The following INPP4B variants were observed in gnomAD, a reference collection of about 807,000 sequenced individuals.
The protein encoded by INPP4B is inositol polyphosphate-4-phosphatase type II B.
Under a neutral mutation model 122.5 loss-of-function variants are expected in INPP4B, and 55 were observed. The observed-to-expected ratio is 0.45, with a 90% CI of 0.36 to 0.56. The LOEUF (loss-of-function observed/expected upper bound fraction) is 0.56, where lower values mean the gene tolerates loss of function less well. Ranked by LOEUF, INPP4B falls within the 20% of genes least tolerant of loss-of-function variation. INPP4B has a pLI of 0.00. For missense variants in INPP4B, 1,000 were observed against 1,097.7 expected, an observed-to-expected ratio of 0.91 and a Z score of 1.26; for synonymous variants, 403 against 388.7, an observed-to-expected ratio of 1.04 and a Z score of -0.43.
chr4:142,118,319 A>G lies in INPP4B; in HGVS notation c.2135+3809T>C, dbSNP rs927226063. The stretch of plus-strand genomic sequence containing the variant: ...TTTAAAGTTCATATGGAACCAAAAA[A>G]GAGCACGCATTGCCAAGACAATCTT... On this transcript the variant is annotated intron_variant, in intron 21 of 25. Coordinates refer to ENST00000262992, the MANE Select transcript of INPP4B (RefSeq NM_001101669.3). 3.1e-4 allele frequency among the ~76,000 whole-genome samples: 47 copies of G among 151,994 alleles called. 1 individual carries two copies. Among genetic ancestry groups the G allele is most frequent in the Non-Finnish European group, 5.6e-4 (38 of 68,046 alleles).
At chr4:142,640,142 T>C (rs1447149983) in intron 2 of INPP4B, among the ~76,000 whole-genome samples, 1 of 152,154 alleles carries the variant, frequency 6.6e-6, no homozygotes, top group South Asian at 2.1e-4. Context: ...TCATATTTTC[T>C]ACAATTCAAT....
At chr4:142,457,951 C>T (rs2149562074) in intron 3 of INPP4B, among the ~76,000 whole-genome samples, 1 of 152,250 alleles carries the variant, frequency 6.6e-6, no homozygotes, top group Non-Finnish European at 1.5e-5. Flanking sequence ...ACTCAGCAAT[C>T]TAACTTCTAG....
chr4:142,254,014 G>C (rs548603217), intron 11 of INPP4B, among the ~76,000 whole-genome samples: 9 of 139,326 alleles, frequency 6.5e-5, no homozygotes, highest in Admixed American at 5.4e-4. Context: ...ATCTGAGAAC[G>C]GGCAGACTGC....
At chr4:142,481,608 G>A (rs1424767922) in intron 2 of INPP4B, among the ~76,000 whole-genome samples, 2 of 151,890 alleles carry the variant, frequency 1.3e-5, no homozygotes, top group Admixed American at 6.6e-5. Context: ...AAGCATATTT[G>A]TTATGTGTTA....
intron 10 of INPP4B, among the ~76,000 whole-genome samples, chr4:142,261,649 C>G (rs919825768): frequency 2.6e-5 from 4 of 152,128 alleles, no homozygotes; most frequent in African/African-American, 9.7e-5. Flanking sequence ...CCCCACTGTT[C>G]TGTCTCCCTC....
intron 2 of INPP4B, among the ~76,000 whole-genome samples, chr4:142,492,471 G>A (rs910461976): frequency 2.6e-5 from 4 of 152,104 alleles, no homozygotes; most frequent in Admixed American, 1.3e-4. Flanking sequence ...GAGAAAATTT[G>A]GAACTTCCTA....
intron 1 of INPP4B, among the ~76,000 whole-genome samples, chr4:142,841,045 A>T (rs1444951): frequency 0.061 from 9,216 of 151,610 alleles, 309 homozygotes; most frequent in Middle Eastern, 0.14. Flanking sequence ...TTACTTTTTT[A>T]AAAAAAAGTG....
At chr4:142,469,406 T>G (rs1424070881) in intron 2 of INPP4B, among the ~76,000 whole-genome samples, 1 of 152,070 alleles carries the variant, frequency 6.6e-6, no homozygotes, top group African/African-American at 2.4e-5. Flanking sequence ...TGGGGAAATA[T>G]TTACAGCATA....
chr4:142,777,424 A>G (rs1774098320), intron 1 of INPP4B, among the ~76,000 whole-genome samples: 1 of 152,104 alleles, frequency 6.6e-6, no homozygotes, highest in Non-Finnish European at 1.5e-5. Flanking sequence ...TGAGGGCCTG[A>G]GTCCTGCAAT....
intron 1 of INPP4B, among the ~76,000 whole-genome samples, chr4:142,807,451 G>T (rs572690378): frequency 1.3e-5 from 2 of 152,194 alleles, no homozygotes; most frequent in Non-Finnish European, 2.9e-5. Context: ...GAGTATGGGA[G>T]GGGGAGGGCA....
rs5862604 is a variant in INPP4B at position 142,483,182 on chromosome 4, C to CTTTTTTTTTTT, written c.-190-20467_-190-20457dup. On this transcript the variant is annotated intron_variant, in intron 2 of 25. Transcript: ENST00000262992. ...TAATAATGACTGGAGTCAGGCTATG[C>CTTTTTTTTTTT]TTTTTTTTTTTTTTTTTTTTTTTTT... Among the ~76,000 whole-genome samples, 91 of 48,330 alleles carry CTTTTTTTTTTT rather than the reference C, an allele frequency of 1.9e-3. 13 individuals are homozygous for CTTTTTTTTTTT. The highest frequency in any genetic ancestry group is 5.7e-3 in the African/African-American group (58 of 10,092). 31.7% of individuals were successfully genotyped at this position (48,330 alleles called of 152,430 possible). A position where few individuals can be genotyped will look rare whatever the true frequency, so the allele number is the denominator to read the frequency against.
chr4:142,195,363 T>C (rs1376072709), intron 14 of INPP4B, among the ~76,000 whole-genome samples: 5 of 152,198 alleles, frequency 3.3e-5, no homozygotes, highest in Non-Finnish European at 5.9e-5. Flanking sequence ...CTGTATAACA[T>C]AGTGCCTATA....
chr4:142,493,089 A>C (rs964869453), intron 2 of INPP4B, among the ~76,000 whole-genome samples: 5 of 152,224 alleles, frequency 3.3e-5, no homozygotes, highest in Non-Finnish European at 7.3e-5. Context: ...TGCAAGCCCC[A>C]AGACTTGGTG....
At chr4:142,583,900 ATTAAT>A (rs1272748046) in intron 2 of INPP4B, among the ~76,000 whole-genome samples, 2 of 152,056 alleles carry the variant, frequency 1.3e-5, no homozygotes, top group Non-Finnish European at 2.9e-5. Flanking sequence ...ATATTAAATA[ATTAAT>A]TTAATTTAAT....
chr4:142,514,874 C>T (rs1036702435), intron 2 of INPP4B, among the ~76,000 whole-genome samples: 6 of 150,358 alleles, frequency 4.0e-5, no homozygotes, highest in Middle Eastern at 3.2e-3. Flanking sequence ...TGGCTCACCT[C>T]AACCTTTGCC....
intron 23 of INPP4B, among the ~76,000 whole-genome samples, chr4:142,100,472 T>C (rs1458995376): frequency 6.6e-6 from 1 of 152,162 alleles, no homozygotes; most frequent in Non-Finnish European, 1.5e-5. Context: ...TAGTAGCAAC[T>C]CAGTATTGCT....
rs150728203 is a variant in INPP4B at position 142,634,569 on chromosome 4, T to C, written c.-191+91270A>G. Reference sequence around the variant, plus strand: ...ATTGCAATTCAGCATATTAACAGCATATATAAGATAAATCATATAACTATC... The same window carrying C: ...ATTGCAATTCAGCATATTAACAGCACATATAAGATAAATCATATAACTATC... On this transcript the variant is annotated intron_variant, in intron 2 of 25. Coordinates refer to ENST00000262992, the MANE Select transcript of INPP4B (RefSeq NM_001101669.3). 5.6e-4 allele frequency among the ~76,000 whole-genome samples: 86 copies of C among 152,252 alleles called. 2 individuals are homozygous for C. In the East Asian group the frequency reaches 0.015, roughly 27 times the overall value.
At chr4:142,297,335 C>A (rs923242513) in intron 9 of INPP4B, among the ~76,000 whole-genome samples, 2 of 152,182 alleles carry the variant, frequency 1.3e-5, no homozygotes, top group Admixed American at 6.5e-5. Flanking sequence ...GTTAAGTCAA[C>A]CCCTCTCCCA....
Position 142,625,856 on chromosome 4 carries a change from A to T in INPP4B, c.-191+99983T>A, listed in dbSNP as rs1418596353. Among the ~76,000 whole-genome samples, 6 of 152,316 alleles carry T rather than the reference A, an allele frequency of 3.9e-5. No individual in the cohort carries two copies. In the East Asian group the frequency reaches 9.7e-4, roughly 25 times the overall value. ...TACCTACAACTATCTGATCTTTGAC[A>T]AACCTGACAAAAACAAGAAATGGGG... On this transcript the variant is annotated intron_variant, in intron 2 of 25. Transcript: ENST00000262992.
Sources: allele counts gnomAD v4.1 joint callset (sites outside exome capture counted in the v4.1 genomes callset), GRCh38; gene constraint gnomAD v4.1.1; transcripts MANE v1.5; gene names NCBI Gene and HGNC (gene_info 2026-07-23, HGNC 2026-07-21).